The following RBMS3 variants were observed in gnomAD, a reference collection of about 807,000 sequenced individuals.
RBMS3 encodes the protein RNA binding motif single stranded interacting protein 3.
RBMS3 carries 27 observed loss-of-function variants against 66.8 expected under a neutral mutation model. That is an observed-to-expected ratio of 0.40 (90% CI 0.30 to 0.56). The LOEUF (loss-of-function observed/expected upper bound fraction) is 0.56. RBMS3 is among the 20% of genes least tolerant of loss of function. RBMS3 has a pLI of 0.40. For missense variants in RBMS3, 513 were observed against 549.5 expected (o/e 0.93, Z 0.66); for synonymous variants, 188 against 183.0 (o/e 1.03, Z -0.22).
intron 4 of RBMS3, among the ~76,000 whole-genome samples, chr3:29,685,342 C>T (rs1308039995): frequency 5.3e-5 from 8 of 152,162 alleles, no homozygotes; most frequent in Non-Finnish European, 7.3e-5. Context: ...ATTACAGGCG[C>T]GAGCTGCAGC....
chr3:29,285,205 T>C (rs1229033323), intron 1 of RBMS3, among the ~76,000 whole-genome samples: 1 of 131,186 alleles, frequency 7.6e-6, no homozygotes, highest in Admixed American at 8.1e-5. Flanking sequence ...CTGAATTTCA[T>C]TCTGAATTTT....
At chr3:29,533,717 C>T (rs2045449685) in intron 3 of RBMS3, among the ~76,000 whole-genome samples, 1 of 152,198 alleles carries the variant, frequency 6.6e-6, no homozygotes, top group Admixed American at 6.5e-5. Context: ...GTGGAGGTTG[C>T]AGTGAGCCAA....
intron 4 of RBMS3, among the ~76,000 whole-genome samples, chr3:29,597,029 G>A (rs1416690843): frequency 2.0e-5 from 3 of 152,222 alleles, no homozygotes; most frequent in Admixed American, 6.5e-5. Context: ...TTGACTGGTG[G>A]AATGGGACAA....
chr3:29,919,488 C>T (rs556383455), intron 10 of RBMS3, among the ~76,000 whole-genome samples: 6 of 152,198 alleles, frequency 3.9e-5, no homozygotes, highest in Admixed American at 1.3e-4. Flanking sequence ...TGTATACACT[C>T]GCTTCATGTG....
At chr3:29,877,090 A>T (rs1231487317) in intron 7 of RBMS3, among the ~76,000 whole-genome samples, 1 of 152,230 alleles carries the variant, frequency 6.6e-6, no homozygotes, top group Non-Finnish European at 1.5e-5. Flanking sequence ...AACTTGTAAG[A>T]AGGCAGTAAT....
chr3:29,685,675 T>C (rs1175598511), intron 4 of RBMS3, among the ~76,000 whole-genome samples: 3 of 152,234 alleles, frequency 2.0e-5, no homozygotes, highest in Non-Finnish European at 4.4e-5. Flanking sequence ...ACTGTGCGAC[T>C]CGACCTGGAA....
chr3:29,649,220 C>A (rs2050055147), intron 4 of RBMS3, among the ~76,000 whole-genome samples: 1 of 152,048 alleles, frequency 6.6e-6, no homozygotes, highest in South Asian at 2.1e-4. Flanking sequence ...GTTCACATGG[C>A]AATACATGAA....
intron 3 of RBMS3, among the ~76,000 whole-genome samples, chr3:29,541,073 G>A: frequency 6.6e-6 from 1 of 152,158 alleles, no homozygotes; most frequent in East Asian, 1.9e-4. Context: ...ATGTGAAGTG[G>A]CCTAACCGAA....
intron 8 of RBMS3, among the ~76,000 whole-genome samples, chr3:29,889,797 T>C (rs1444328284): frequency 6.6e-6 from 1 of 151,698 alleles, no homozygotes; most frequent in East Asian, 1.9e-4. Flanking sequence ...TTGTGAATGC[T>C]AAATCAGGAC....
intron 10 of RBMS3, among the ~76,000 whole-genome samples, chr3:29,931,636 A>ACAAAC (rs145234503): frequency 6.6e-6 from 1 of 151,184 alleles, no homozygotes; most frequent in African/African-American, 2.4e-5. Context: ...CCTCATCAAA[A>ACAAAC]CAAAACAAAA....
At chr3:29,338,374 TTTGCCTTCA>T (rs2125531167) in intron 1 of RBMS3, among the ~76,000 whole-genome samples, 1 of 152,286 alleles carries the variant, frequency 6.6e-6, no homozygotes, top group African/African-American at 2.4e-5. Context: ...GAGTAATTGG[TTTGCCTTCA>T]GCCCAACAAT....
intron 12 of RBMS3, among the ~76,000 whole-genome samples, chr3:29,978,556 A>C (rs1697753570): frequency 6.6e-6 from 1 of 152,170 alleles, no homozygotes; most frequent in Non-Finnish European, 1.5e-5. Context: ...TGGTTATTTT[A>C]AGAAAAGAAA....
intron 1 of RBMS3, among the ~76,000 whole-genome samples, chr3:29,288,326 T>C (rs2032531293): frequency 6.6e-6 from 1 of 152,036 alleles, no homozygotes; most frequent in Non-Finnish European, 1.5e-5. Context: ...ACTGGCTCTC[T>C]GGTGATTTGA....
At chr3:29,886,223 A>G (rs1377610883) in intron 8 of RBMS3, among the ~76,000 whole-genome samples, 2 of 151,924 alleles carry the variant, frequency 1.3e-5, no homozygotes, top group East Asian at 3.9e-4. Flanking sequence ...CCCAAAATGT[A>G]TTTTACAGCT....
chr3:29,367,046 A>T (rs1308684488), intron 1 of RBMS3, among the ~76,000 whole-genome samples: 1 of 152,174 alleles, frequency 6.6e-6, no homozygotes, highest in Non-Finnish European at 1.5e-5. Flanking sequence ...AAGGTAAAAG[A>T]CTACAAATTT....
intron 12 of RBMS3, among the ~76,000 whole-genome samples, chr3:29,972,490 C>T (rs775163011): frequency 3.9e-5 from 6 of 151,942 alleles, no homozygotes; most frequent in Non-Finnish European, 7.4e-5. Context: ...TGCTCACCAC[C>T]CATCTTGGAT....
At chr3:29,338,006 C>T (rs1363152040) in intron 1 of RBMS3, among the ~76,000 whole-genome samples, 1 of 152,108 alleles carries the variant, frequency 6.6e-6, no homozygotes, top group African/African-American at 2.4e-5. Context: ...ATTTTGACCT[C>T]TCCATTTTTG....
chr3:29,693,170 AT>A (rs1205605617), intron 4 of RBMS3, among the ~76,000 whole-genome samples: 2 of 152,084 alleles, frequency 1.3e-5, no homozygotes, highest in Non-Finnish European at 2.9e-5. Context: ...TCTTCTTTAC[AT>A]TTTTTCCCCA....
intron 4 of RBMS3, among the ~76,000 whole-genome samples, chr3:29,625,399 A>C (rs2049022674): frequency 6.6e-6 from 1 of 152,164 alleles, no homozygotes. Flanking sequence ...ATTTGATGCA[A>C]GAAGTCTTTT....
Sources: allele counts gnomAD v4.1 joint callset (sites outside exome capture counted in the v4.1 genomes callset), GRCh38; gene constraint gnomAD v4.1.1; transcripts MANE v1.5; gene names NCBI Gene and HGNC (gene_info 2026-07-23, HGNC 2026-07-21).